MCF2L2: variants seen among roughly 807,000 people sequenced by gnomAD.
MCF2L2 encodes the protein probable guanine nucleotide exchange factor MCF2L2.
MCF2L2 carries 102 observed loss-of-function variants against 150.2 expected under a neutral mutation model. The observed-to-expected ratio is 0.68, with a 90% CI of 0.58 to 0.80. MCF2L2 has a LOEUF of 0.80. MCF2L2 is among the 30% of genes least tolerant of loss of function. The probability of loss-of-function intolerance (pLI) is 0.00; values close to 1 mark genes in which losing one functional copy is unlikely to be tolerated. For missense variants in MCF2L2, 1,256 were observed against 1,372.8 expected (o/e 0.91, Z 1.34); for synonymous variants, 465 against 491.3 (o/e 0.95, Z 0.71).
At chr3:183,346,943 G>A (rs1730923184) in intron 3 of MCF2L2, among the ~76,000 whole-genome samples, 1 of 152,114 alleles carries the variant, frequency 6.6e-6, no homozygotes, top group Non-Finnish European at 1.5e-5. Context: ...CCATGCTCAT[G>A]GATAGGAAGA....
At chr3:183,367,279 G>T (rs1249300160) in intron 3 of MCF2L2, among the ~76,000 whole-genome samples, 1 of 149,430 alleles carries the variant, frequency 6.7e-6, no homozygotes, top group Non-Finnish European at 1.5e-5. Context: ...AGGCTGGAGT[G>T]CAACAGCGCC....
At chr3:183,205,290 TCACTTGAAC>T (rs1414889606) in intron 25 of MCF2L2, among the ~76,000 whole-genome samples, 2 of 152,012 alleles carry the variant, frequency 1.3e-5, no homozygotes, top group Non-Finnish European at 2.9e-5. Flanking sequence ...GGCAGGAGAA[TCACTTGAAC>T]CTGGGAGGCA....
intron 18 of MCF2L2, chr3:183,226,091 ATAT>A (rs1046058863): frequency 1.3e-5 from 2 of 152,242 alleles, no homozygotes; most frequent in African/African-American, 4.8e-5. Context: ...CTATGGACAA[ATAT>A]TATTCTATAT....
chr3:183,342,742 A>G (rs1730754765), intron 3 of MCF2L2, among the ~76,000 whole-genome samples: 2 of 151,592 alleles, frequency 1.3e-5, no homozygotes, highest in Non-Finnish European at 2.9e-5. Flanking sequence ...TATAAGCACT[A>G]TTATTCTTTC....
chr3:183,412,320 A>T (rs549782624), intron 1 of MCF2L2, among the ~76,000 whole-genome samples: 1 of 151,992 alleles, frequency 6.6e-6, no homozygotes, highest in Non-Finnish European at 1.5e-5. Context: ...TTTGAGACAG[A>T]GTCTCCCTCT....
At position 183,180,106 on chromosome 3, in the gene MCF2L2, C is replaced by G. The variant is rs775191322; in HGVS notation, c.3070G>C (p.Ala1024Pro). 1 of 1,614,002 alleles carries G rather than the reference C, an allele frequency of 6.2e-7. No homozygotes were observed. Among genetic ancestry groups the G allele is most frequent in the South Asian group, 1.1e-5 (1 of 91,086 alleles). ...CTGCTCTCCTTTTCCATGTCTTCTG[C>G]GCCTTCACAGTCTTCAAAGGTGTCC... Reference protein sequence around the residue: ...SMDTFEDCEGAEDMEKESSAL... With the variant: ...SMDTFEDCEGPEDMEKESSAL... Residue 1024 changes from alanine (A) to proline (P), a missense_variant, in exon 28 of 30, where the codon GCA (alanine) becomes CCA (proline). Physicochemically the swap from Ala to Pro is conservative, Grantham distance 27. Transcript: ENST00000328913.
intron 2 of MCF2L2, among the ~76,000 whole-genome samples, chr3:183,386,022 T>C (rs1272611854): frequency 1.3e-5 from 2 of 152,222 alleles, no homozygotes; most frequent in Non-Finnish European, 2.9e-5. Flanking sequence ...CTTAATGTCA[T>C]TGAGCCACTG....
chr3:183,401,797 TG>T (rs1315383362), intron 1 of MCF2L2, among the ~76,000 whole-genome samples: 1 of 152,222 alleles, frequency 6.6e-6, no homozygotes, highest in Admixed American at 6.5e-5. Context: ...TTCATGTCAT[TG>T]TATGGACAGC....
chr3:183,255,225 T>C (rs929329150), intron 15 of MCF2L2, among the ~76,000 whole-genome samples: 1 of 152,176 alleles, frequency 6.6e-6, no homozygotes, highest in Non-Finnish European at 1.5e-5. Flanking sequence ...TTGAAGGTAG[T>C]TGTATTAAGT....
At chr3:183,405,223 T>C (rs1479295131) in intron 1 of MCF2L2, among the ~76,000 whole-genome samples, 2 of 152,212 alleles carry the variant, frequency 1.3e-5, no homozygotes, top group African/African-American at 4.8e-5. Context: ...AGGTAACTGA[T>C]TATTATTAGA....
chr3:183,317,951 C>A, intron 7 of MCF2L2, 117 bp downstream of exon 7: 1 of 1,291,982 alleles, frequency 7.7e-7, no homozygotes, highest in Admixed American at 2.3e-5. Context: ...GCTTCCAAGT[C>A]ACTAAAGAAG....
In MCF2L2 at chr3:183,311,667, T is replaced by G; in HGVS notation, c.859A>C (p.Asn287His). 6.2e-7 allele frequency: 1 copy of G among 1,614,138 alleles called. No individual in the cohort carries two copies. Among genetic ancestry groups the G allele is most frequent in the African/African-American group, 1.3e-5 (1 of 75,038 alleles). The change falls in exon 8 of 30, where the codon AAT (asparagine) becomes CAT (histidine). Residue 287 changes from asparagine (N) to histidine (H), a missense_variant. By Grantham distance (68) the Asn-to-His change is moderately conservative (BLOSUM62 1). Coordinates refer to ENST00000328913, the MANE Select transcript of MCF2L2 (RefSeq NM_015078.4). ...NSKLNLNQLE[N>H]VTTMERLLVQ... Reference sequence around the variant, plus strand: ...ACTCACCTTTCCATGGTAGTTACATTCTCAAGTTGGTTGAGATTGAGTTTG... The same window carrying G: ...ACTCACCTTTCCATGGTAGTTACATGCTCAAGTTGGTTGAGATTGAGTTTG...
chr3:183,330,965 G>C (rs1730249900), intron 5 of MCF2L2, among the ~76,000 whole-genome samples: 1 of 152,068 alleles, frequency 6.6e-6, no homozygotes, highest in Non-Finnish European at 1.5e-5. Flanking sequence ...ACTAGGAAGA[G>C]ACTGCCCCGC....
At chr3:183,300,284 A>T in intron 10 of MCF2L2, 88 bp from the exon 11 acceptor site, 1 of 1,218,436 alleles carries the variant, frequency 8.2e-7, no homozygotes, top group East Asian at 2.6e-5. Context: ...CCAAGCCTGG[A>T]GGGAGGCTGT....
intron 14 of MCF2L2, among the ~76,000 whole-genome samples, chr3:183,280,697 A>G (rs1560400307): frequency 6.6e-6 from 1 of 152,010 alleles, no homozygotes; most frequent in Non-Finnish European, 1.5e-5. Context: ...AAAAACACAA[A>G]ATTAGCTGGG....
intron 1 of MCF2L2, among the ~76,000 whole-genome samples, chr3:183,413,458 G>C (rs766966691): frequency 1.3e-5 from 2 of 152,046 alleles, no homozygotes; most frequent in Non-Finnish European, 2.9e-5. Flanking sequence ...AGTCCTTTGT[G>C]ACCTCCTCAC....
At chr3:183,358,574 T>A (rs1398857018) in intron 3 of MCF2L2, among the ~76,000 whole-genome samples, 1 of 152,130 alleles carries the variant, frequency 6.6e-6, no homozygotes, top group East Asian at 1.9e-4. Context: ...CACAATGAAC[T>A]GAAAATTGAA....
chr3:183,427,458 C>T (rs1477868428), intron 1 of MCF2L2, among the ~76,000 whole-genome samples: 1 of 152,164 alleles, frequency 6.6e-6, no homozygotes, highest in African/African-American at 2.4e-5. Flanking sequence ...TAACCTGCCT[C>T]TCCCTGCACT....
chr3:183,371,188 T>TC (rs1712852692), intron 3 of MCF2L2, among the ~76,000 whole-genome samples: 1 of 152,234 alleles, frequency 6.6e-6, no homozygotes, highest in Admixed American at 6.5e-5. Flanking sequence ...CCCAAAAGTA[T>TC]CTGAGACAGG....
Sources: gnomAD v4.1 joint callset for allele counts (sites outside exome capture counted in the v4.1 genomes callset) on GRCh38, gnomAD v4.1.1 for gene constraint, MANE v1.5 for transcripts, NCBI Gene and HGNC (gene_info 2026-07-23, HGNC 2026-07-21) for gene names.